TRPM1: variants seen among roughly 807,000 people sequenced by gnomAD.
TRPM1 encodes the protein transient receptor potential cation channel subfamily M member 1.
In TRPM1, 113 loss-of-function variants were observed where a neutral mutation model predicts 149.4. That is an observed-to-expected ratio of 0.76 (90% CI 0.65 to 0.88). TRPM1 has a LOEUF of 0.88. Among genes scored for constraint, TRPM1 ranks in the 40% least tolerant of loss-of-function variants. The pLI is 0.00. For missense variants in TRPM1, 1,976 were observed against 2,038.7 expected (o/e 0.97, Z 0.59); for synonymous variants, 741 against 759.5 (o/e 0.98, Z 0.40).
At chr15:31,029,250 T>G (rs2032942514) in intron 24 of TRPM1, 121 bp downstream of exon 24, 1 of 1,047,906 alleles carries the variant, frequency 9.5e-7, no homozygotes, top group Admixed American at 1.9e-5. Context: ...TAAAAAGTAC[T>G]GGCACCAAAA....
chr15:31,035,307 AT>A (rs562359325), intron 21 of TRPM1, among the ~76,000 whole-genome samples: 1 of 151,732 alleles, frequency 6.6e-6, no homozygotes, highest in African/African-American at 2.4e-5. Flanking sequence ...CGACTGGCTA[AT>A]TTTTTTTATT....
In TRPM1 at chr15:31,028,360, G is replaced by A. The variant is rs193208354; in HGVS notation, c.3265C>T (p.Leu1089=). 6.2e-7 allele frequency: 1 copy of A among 1,614,080 alleles called. No individual in the cohort carries two copies. The highest frequency in any genetic ancestry group is 8.5e-7 in the Non-Finnish European group (1 of 1,180,042). The change falls in exon 25 of 28, where the codon CTG becomes TTG. Residue 1089 remains leucine (L), a synonymous_variant. Coordinates refer to ENST00000256552, the MANE Select transcript of TRPM1 (RefSeq NM_001252024.2). ...AACACAGCAATCAGCAGGTTCACCA[G>A]CAGGATGTTGGCGACCAGTAGATAG... ...ACYLLVANIL[L]VNLLIAVFNN... is the part of the protein sequence containing the mutation.
intron 7 of TRPM1, among the ~76,000 whole-genome samples, chr15:31,064,673 T>C (rs2034321144): frequency 6.6e-6 from 1 of 152,166 alleles, no homozygotes; most frequent in Non-Finnish European, 1.5e-5. Context: ...TCTGCCAGCA[T>C]TGGTTAAGAG....
chr15:31,113,432 G>GTTT lies in TRPM1; in HGVS notation c.55-36451_55-36449dup, dbSNP rs3080947. Among the ~76,000 whole-genome samples the GTTT allele has an allele frequency of 3.0e-3, 447 of 149,544 alleles. 6 individuals are homozygous for GTTT. Among genetic ancestry groups the GTTT allele is most frequent in the Admixed American group, 0.011 (168 of 15,030 alleles). On this transcript the variant is annotated intron_variant, in intron 1 of 26. Coordinates refer to the TRPM1 transcript ENST00000542188. ...CAGAATTCAATACCCAGCTCTGACA[G>GTTT]TTTTTTTTTTTTCAAAATCTCTAAG...
chr15:31,091,591 G>T (rs1233444222), intron 1 of TRPM1, among the ~76,000 whole-genome samples: 2 of 152,162 alleles, frequency 1.3e-5, no homozygotes, highest in African/African-American at 4.8e-5. Flanking sequence ...TTCCTGGGAG[G>T]CTGACCGGGT....
Position 31,032,720 on chromosome 15 carries a change from A to T in TRPM1, c.2921T>A (p.Leu974Gln), listed in dbSNP as rs1315258301. ...TCCAATCATCATCACGTATGGCCCCAGATACTTGTTGACACCAAAGATGTC... is the reference window on the plus strand; with the variant it reads ...TCCAATCATCATCACGTATGGCCCCTGATACTTGTTGACACCAAAGATGTC... Reference protein sequence around the residue: ...VLDIFGVNKYLGPYVMMIGKM... With the variant: ...VLDIFGVNKYQGPYVMMIGKM... Residue 974 changes from leucine (L) to glutamine (Q), a missense_variant, in exon 22 of 28, where the codon CTG (leucine) becomes CAG (glutamine). Physicochemically the swap from Leu to Gln is moderately radical, Grantham distance 113. Transcript: ENST00000256552. The T allele has an allele frequency of 2.5e-6, 4 of 1,614,078 alleles. No individual in the cohort carries two copies. The Admixed American group carries it at 6.7e-5, about 27-fold the overall frequency.
chr15:31,022,295 G>A (rs1385006988), intron 27 of TRPM1, among the ~76,000 whole-genome samples: 1 of 152,210 alleles, frequency 6.6e-6, no homozygotes, highest in Non-Finnish European at 1.5e-5. Context: ...CTGGAGCAAT[G>A]AGGACAGAAC....
intron 21 of TRPM1, 132 bp from the exon 22 acceptor site, chr15:31,033,072 CTCT>C (rs2140913391): frequency 5.7e-6 from 7 of 1,229,262 alleles, no homozygotes; most frequent in South Asian, 3.7e-5. Flanking sequence ...CGTTTAAACA[CTCT>C]TCTTCTCAGG....
At chr15:31,088,989 G>C (rs12910440) in intron 1 of TRPM1, among the ~76,000 whole-genome samples, 66,013 of 152,066 alleles carry the variant, frequency 0.43, 14,784 homozygotes, top group East Asian at 0.82. Context: ...TTGGCTGATG[G>C]GCAGTTCTAG....
chr15:31,017,759 T>C (rs976047628), intron 27 of TRPM1, among the ~76,000 whole-genome samples: 1 of 152,218 alleles, frequency 6.6e-6, no homozygotes, highest in African/African-American at 2.4e-5. Context: ...GAAAACATAC[T>C]TTTTGTTAAG....
chr15:31,133,397 G>A (rs987545306), intron 1 of TRPM1, among the ~76,000 whole-genome samples: 7 of 139,942 alleles, frequency 5.0e-5, no homozygotes, highest in Admixed American at 7.5e-5. Flanking sequence ...GTGAAACTCC[G>A]TCTCTACCAA....
intron 22 of TRPM1, among the ~76,000 whole-genome samples, chr15:31,032,006 GTTTTTT>G (rs57762904): frequency 5.7e-5 from 7 of 122,764 alleles, no homozygotes; most frequent in Non-Finnish European, 1.0e-4. Flanking sequence ...ATCAGGCGGG[GTTTTTT>G]TTTTTTTTTT....
chr15:31,160,467 C>G (rs1193121584), intron 1 of TRPM1, among the ~76,000 whole-genome samples: 2 of 152,178 alleles, frequency 1.3e-5, no homozygotes, highest in Non-Finnish European at 2.9e-5. Context: ...GGGCGAGGCC[C>G]AAGCCTGAGT....
chr15:31,038,048 T>G lies in TRPM1; in HGVS notation c.2435A>C (p.Asn812Thr), dbSNP rs1401995430. 8 of 1,614,134 alleles carry G rather than the reference T, an allele frequency of 5.0e-6. No individual in the cohort carries two copies. The highest frequency in any genetic ancestry group is 6.8e-6 in the Non-Finnish European group (8 of 1,179,976). Reference protein sequence around the residue: ...NEDGKEKEEENTDANADAGSR... With the variant: ...NEDGKEKEEETTDANADAGSR... ...AGGGTCAAGTGTGTCACTGACCGTA[T>G]TTTCCTCTTCTTTTTCTTTGCCATC... The change falls in exon 19 of 28, where the codon AAT (asparagine) becomes ACT (threonine). Residue 812 changes from asparagine (N) to threonine (T), a missense_variant. By Grantham distance (65) the Asn-to-Thr change is moderately conservative (BLOSUM62 0). This residue lies in a region of TRPM1 where 1,332 missense variants were observed against 1,347.1 expected (regional missense o/e 0.99). Transcript: ENST00000256552.
chr15:31,075,007 T>C (rs1416838878), intron 3 of TRPM1, among the ~76,000 whole-genome samples: 1 of 152,230 alleles, frequency 6.6e-6, no homozygotes, highest in Non-Finnish European at 1.5e-5. Flanking sequence ...GGTTTCTTAT[T>C]TCTAATTTTA....
At chr15:31,060,320 G>T (rs564655367) in intron 11 of TRPM1, 1 of 589,554 alleles carries the variant, frequency 1.7e-6, no homozygotes, top group East Asian at 2.8e-5. Flanking sequence ...TAAAATATTT[G>T]GTGATTAATT....
At position 31,033,860 on chromosome 15, in the gene TRPM1, A is replaced by G. The variant is rs115941198; in HGVS notation, c.2701-920T>C. ...GAAATACCAGTTGCAGCACCTGCAG[A>G]ATTTGAATGAGGCCCAGCTAGAAAA... On this transcript the variant is annotated intron_variant, in intron 21 of 27. Coordinates refer to ENST00000256552, the MANE Select transcript of TRPM1 (RefSeq NM_001252024.2). Among the ~76,000 whole-genome samples, 749 of 152,318 alleles carry G rather than the reference A, an allele frequency of 4.9e-3. 5 individuals are homozygous for G. The highest frequency in any genetic ancestry group is 0.017 in the African/African-American group (719 of 41,552).
chr15:31,112,853 C>T (rs2035710827), intron 1 of TRPM1, among the ~76,000 whole-genome samples: 1 of 152,226 alleles, frequency 6.6e-6, no homozygotes, highest in African/African-American at 2.4e-5. Flanking sequence ...AAAGAACCCC[C>T]TTTTCTTTCT....
intron 5 of TRPM1, 73 bp from the exon 6 acceptor site, chr15:31,067,260 C>T (rs2034404398): frequency 6.2e-7 from 1 of 1,610,540 alleles, no homozygotes; most frequent in African/African-American, 1.3e-5. Flanking sequence ...AATTTAGGGA[C>T]ACTTGCCCTG....
Sources: allele counts gnomAD v4.1 joint callset (sites outside exome capture counted in the v4.1 genomes callset), GRCh38; gene constraint gnomAD v4.1.1; regional missense constraint gnomAD v4.1.1; transcripts MANE v1.5; gene names NCBI Gene and HGNC (gene_info 2026-07-23, HGNC 2026-07-21).